ITPR1: variants seen among roughly 807,000 people sequenced by gnomAD.
ITPR1 encodes the protein inositol 1,4,5-trisphosphate receptor type 1.
A neutral mutation model predicts 318.4 loss-of-function variants in ITPR1; 96 were observed. That is an observed-to-expected ratio of 0.30 (90% CI 0.26 to 0.36). ITPR1 has a LOEUF of 0.36. Ranked by LOEUF, ITPR1 falls within the 10% of genes least tolerant of loss-of-function variation. The pLI is 1.00. For missense variants in ITPR1, 2,440 were observed against 3,460.2 expected, an observed-to-expected ratio of 0.71 and a Z score of 7.40; for synonymous variants, 1,312 against 1,289.9, an observed-to-expected ratio of 1.02 and a Z score of -0.37.
At chr3:4,618,545 C>A (rs191785211) in intron 4 of ITPR1, among the ~76,000 whole-genome samples, 45 of 152,300 alleles carry the variant, frequency 3.0e-4, no homozygotes, top group Non-Finnish European at 5.9e-4. Context: ...GAGCCAAAGA[C>A]ATATTGGAAT....
intron 44 of ITPR1, among the ~76,000 whole-genome samples, chr3:4,744,922 TTCCTTCCTTCCTTCCTTCCTTCCTTCCC>T (rs777031568): frequency 0.13 from 5,325 of 41,836 alleles, 245 homozygotes; most frequent in East Asian, 0.46. Context: ...CCTTCCTTCC[TTCCTTCCTTCCTTCCTTCCTTCCTTCCC>T]TCCCTCCCTC....
At chr3:4,501,776 C>G (rs2081040765) in intron 2 of ITPR1, among the ~76,000 whole-genome samples, 2 of 152,196 alleles carry the variant, frequency 1.3e-5, no homozygotes, top group South Asian at 4.1e-4. Flanking sequence ...ATTCGCTGTT[C>G]ACATGAAGGC....
At chr3:4,635,018 C>T (rs2093138684) in intron 5 of ITPR1, among the ~76,000 whole-genome samples, 1 of 152,364 alleles carries the variant, frequency 6.6e-6, no homozygotes, top group Middle Eastern at 3.4e-3. Flanking sequence ...GCTAGGATTA[C>T]AGGCGTGAGC....
chr3:4,761,914 T>C (rs55820118), intron 44 of ITPR1, among the ~76,000 whole-genome samples: 3,627 of 152,242 alleles, frequency 0.024, 151 homozygotes, highest in African/African-American at 0.083. Context: ...TGTGGAGGGC[T>C]CTTGTCTCTC....
chr3:4,543,288 A>G (rs1243165151), intron 4 of ITPR1, among the ~76,000 whole-genome samples: 1 of 152,060 alleles, frequency 6.6e-6, no homozygotes, highest in East Asian at 1.9e-4. Context: ...AAAAAAAGAA[A>G]AAAGCAATTC....
intron 4 of ITPR1, among the ~76,000 whole-genome samples, chr3:4,617,869 C>T (rs1265497157): frequency 9.3e-5 from 14 of 151,280 alleles, no homozygotes; most frequent in African/African-American, 3.2e-4. Context: ...CCTGTAGTCC[C>T]AACTCCCTGA....
chr3:4,523,191 T>C (rs1018012), intron 4 of ITPR1, among the ~76,000 whole-genome samples: 16,479 of 152,156 alleles, frequency 0.11, 941 homozygotes, highest in Middle Eastern at 0.14. Context: ...CGTGAGCTCT[T>C]ATCTTGTTCT....
chr3:4,516,844 A>T (rs923132519), intron 3 of ITPR1, among the ~76,000 whole-genome samples: 2 of 152,258 alleles, frequency 1.3e-5, no homozygotes, highest in African/African-American at 4.8e-5. Flanking sequence ...TTTCCTTTCT[A>T]TATAAAAGGG....
intron 60 of ITPR1, among the ~76,000 whole-genome samples, chr3:4,822,999 T>C (rs1260843913): frequency 3.3e-5 from 5 of 152,216 alleles, no homozygotes; most frequent in African/African-American, 1.2e-4. Context: ...TTGATCTACA[T>C]TTAAGTTTTC....
intron 41 of ITPR1, among the ~76,000 whole-genome samples, chr3:4,726,081 G>A (rs1418049249): frequency 6.6e-6 from 1 of 152,196 alleles, no homozygotes; most frequent in East Asian, 1.9e-4. Context: ...CCAGGCTGGA[G>A]TGCAGTGGCA....
intron 4 of ITPR1, among the ~76,000 whole-genome samples, chr3:4,623,943 A>T (rs946976116): frequency 6.6e-6 from 1 of 152,194 alleles, no homozygotes; most frequent in Non-Finnish European, 1.5e-5. Context: ...GGTTGGATTG[A>T]TGTTATTTAA....
intron 4 of ITPR1, among the ~76,000 whole-genome samples, chr3:4,580,681 C>T (rs1300491552): frequency 1.3e-5 from 2 of 150,840 alleles, no homozygotes; most frequent in Non-Finnish European, 2.9e-5. Flanking sequence ...TACCCCCAAC[C>T]TCTTGCAGGG....
At chr3:4,717,283 A>T in intron 39 of ITPR1, 84 bp from the exon 40 acceptor site, 1 of 1,156,582 alleles carries the variant, frequency 8.6e-7, no homozygotes, top group Non-Finnish European at 1.3e-6. Context: ...CGTCAGCAAT[A>T]AGAGTAAAGT....
chr3:4,718,901 CGTAGAGTT>C (rs1383034747), intron 40 of ITPR1, among the ~76,000 whole-genome samples: 4 of 152,136 alleles, frequency 2.6e-5, no homozygotes, highest in Non-Finnish European at 5.9e-5. Context: ...CTTGTTTCTA[CGTAGAGTT>C]GTAAATGCCT....
chr3:4,561,606 A>G (rs1216224964), intron 4 of ITPR1, among the ~76,000 whole-genome samples: 3 of 152,240 alleles, frequency 2.0e-5, no homozygotes, highest in Non-Finnish European at 4.4e-5. Context: ...ATAAGAAAGA[A>G]TGTATATTAG....
chr3:4,674,727 G>A (rs1163768806), intron 22 of ITPR1, among the ~76,000 whole-genome samples: 1 of 152,104 alleles, frequency 6.6e-6, no homozygotes, highest in Non-Finnish European at 1.5e-5. Flanking sequence ...TTTAAGAGCT[G>A]TATTGCTGAG....
At chr3:4,694,986 C>T (rs1181948233) in intron 33 of ITPR1, among the ~76,000 whole-genome samples, 1 of 152,124 alleles carries the variant, frequency 6.6e-6, no homozygotes, top group Non-Finnish European at 1.5e-5. Flanking sequence ...TTTGTAAATG[C>T]AGAAGATGAT....
chr3:4,625,743 G>A (rs2092804889), intron 4 of ITPR1, among the ~76,000 whole-genome samples: 1 of 151,978 alleles, frequency 6.6e-6, no homozygotes, highest in South Asian at 2.1e-4. Context: ...TTTTTTAGTA[G>A]AGGCGGGGTT....
At chr3:4,608,447 T>C (rs1179397898) in intron 4 of ITPR1, among the ~76,000 whole-genome samples, 1 of 152,162 alleles carries the variant, frequency 6.6e-6, no homozygotes, top group Non-Finnish European at 1.5e-5. Context: ...TCTGTTGTAT[T>C]CATCAGTCCA....
Sources: gnomAD v4.1 joint callset for allele counts (sites outside exome capture counted in the v4.1 genomes callset) on GRCh38, gnomAD v4.1.1 for gene constraint, MANE v1.5 for transcripts, NCBI Gene and HGNC (gene_info 2026-07-23, HGNC 2026-07-21) for gene names.